Variants in BRINP3 observed in about 807,000 individuals in gnomAD.
BRINP3 encodes the protein BMP/retinoic acid inducible neural specific 3.
BRINP3 carries 19 observed loss-of-function variants against 71.0 expected under a neutral mutation model. The observed-to-expected ratio is 0.27, with a 90% CI of 0.19 to 0.39. The LOEUF (loss-of-function observed/expected upper bound fraction) is 0.39. Ranked by LOEUF, BRINP3 falls within the 10% of genes least tolerant of loss-of-function variation. The probability of loss-of-function intolerance (pLI) is 1.00; values close to 1 mark genes in which losing one functional copy is unlikely to be tolerated. For synonymous variants in BRINP3, 380 were observed against 337.7 expected (o/e 1.13, Z -1.37); for missense variants, 959 against 940.8 (o/e 1.02, Z -0.25).
At chr1:190,348,261 T>G (rs1385228802) in intron 2 of BRINP3, among the ~76,000 whole-genome samples, 1 of 152,144 alleles carries the variant, frequency 6.6e-6, no homozygotes, top group Admixed American at 6.6e-5. Flanking sequence ...GCCTTAGTCC[T>G]TTTTGGCCTG....
chr1:190,194,277 C>G lies in BRINP3; in HGVS notation c.961+31805G>C, dbSNP rs559065212. ...GCTGGAAGAAGCAAGAAAGTATTCT[C>G]CTGTAGAACAAAGTGACAGTGCTCC... On this transcript the variant is annotated intron_variant, in intron 6 of 7. Transcript: ENST00000367462. Among the ~76,000 whole-genome samples, 21 of 152,150 alleles carry G rather than the reference C, an allele frequency of 1.4e-4. 1 individual carries two copies. In the South Asian group the frequency reaches 4.4e-3, roughly 32 times the overall value.
intron 6 of BRINP3, among the ~76,000 whole-genome samples, chr1:190,210,307 A>G (rs1176752995): frequency 6.6e-6 from 1 of 152,088 alleles, no homozygotes; most frequent in Non-Finnish European, 1.5e-5. Flanking sequence ...TTATTTATTG[A>G]TATCTCTTCA....
chr1:190,451,469 G>T (rs1015608547), intron 2 of BRINP3, among the ~76,000 whole-genome samples: 1 of 152,126 alleles, frequency 6.6e-6, no homozygotes, highest in Non-Finnish European at 1.5e-5. Flanking sequence ...CAAACACAAG[G>T]CTCCAGCTTA....
At chr1:190,237,577 G>A (rs146907823) in intron 4 of BRINP3, among the ~76,000 whole-genome samples, 1 of 151,836 alleles carries the variant, frequency 6.6e-6, no homozygotes, top group Admixed American at 6.6e-5. Context: ...AGGAGCAATT[G>A]CCATTTTTTC....
intron 2 of BRINP3, among the ~76,000 whole-genome samples, chr1:190,439,646 C>T (rs868203665): frequency 6.8e-4 from 103 of 151,680 alleles, no homozygotes; most frequent in African/African-American, 2.3e-3. Flanking sequence ...AGACAGATAA[C>T]CTAAAGCCTA....
chr1:190,344,164 G>C (rs572207879), intron 2 of BRINP3, among the ~76,000 whole-genome samples: 3 of 151,640 alleles, frequency 2.0e-5, no homozygotes, highest in Admixed American at 2.0e-4. Flanking sequence ...TAAAAAATAA[G>C]GCTGTTTGTT....
intron 7 of BRINP3, among the ~76,000 whole-genome samples, chr1:190,107,206 T>C (rs1652249375): frequency 6.6e-6 from 1 of 151,992 alleles, no homozygotes; most frequent in African/African-American, 2.4e-5. Flanking sequence ...ATAAATTATT[T>C]TGAAGCCTTT....
chr1:190,353,068 T>G (rs184387728), intron 2 of BRINP3, among the ~76,000 whole-genome samples: 41 of 152,078 alleles, frequency 2.7e-4, no homozygotes, highest in Middle Eastern at 6.8e-3. Flanking sequence ...AAAATCTTCA[T>G]TTATTAAGCA....
chr1:190,462,635 C>T (rs1676471175), intron 1 of BRINP3, among the ~76,000 whole-genome samples: 1 of 151,934 alleles, frequency 6.6e-6, no homozygotes, highest in Non-Finnish European at 1.5e-5. Flanking sequence ...AAATTAACAC[C>T]TTTTTAATCT....
At chr1:190,233,104 C>A (rs565000097) in intron 5 of BRINP3, among the ~76,000 whole-genome samples, 1 of 151,942 alleles carries the variant, frequency 6.6e-6, no homozygotes, top group East Asian at 1.9e-4. Context: ...TTACATTTTT[C>A]TTTTAATTAA....
At chr1:190,217,933 T>C (rs1198654621) in intron 6 of BRINP3, among the ~76,000 whole-genome samples, 2 of 152,060 alleles carry the variant, frequency 1.3e-5, no homozygotes, top group Non-Finnish European at 2.9e-5. Context: ...ATTTACCAAT[T>C]TGCTACTAAT....
chr1:190,463,251 T>C (rs1022541710), intron 1 of BRINP3, among the ~76,000 whole-genome samples: 2 of 151,766 alleles, frequency 1.3e-5, no homozygotes, highest in Admixed American at 6.6e-5. Context: ...GGAGACATAA[T>C]AAAATTTCAG....
chr1:190,243,073 G>A (rs1659262492), intron 4 of BRINP3, among the ~76,000 whole-genome samples: 1 of 152,086 alleles, frequency 6.6e-6, no homozygotes, highest in African/African-American at 2.4e-5. Flanking sequence ...TAGTGAGAGA[G>A]ACTATGCTAA....
chr1:190,226,391 T>C (rs1292613896), intron 5 of BRINP3, 73 bp from the exon 6 acceptor site: 11 of 824,908 alleles, frequency 1.3e-5, no homozygotes, highest in Non-Finnish European at 2.0e-5. Flanking sequence ...TTTATAATAT[T>C]CAATCAAAAC....
intron 2 of BRINP3, among the ~76,000 whole-genome samples, chr1:190,323,740 G>A (rs940916719): frequency 6.6e-6 from 1 of 151,890 alleles, no homozygotes; most frequent in African/African-American, 2.4e-5. Context: ...ATGATCATGA[G>A]ATAGGTGCAC....
intron 2 of BRINP3, among the ~76,000 whole-genome samples, chr1:190,411,920 T>C (rs1672692906): frequency 6.6e-6 from 1 of 151,528 alleles, no homozygotes; most frequent in African/African-American, 2.4e-5. Context: ...ATATGAGGAG[T>C]GGAGCTAGGA....
intron 2 of BRINP3, among the ~76,000 whole-genome samples, chr1:190,341,475 G>A (rs759741998): frequency 3.3e-5 from 5 of 151,558 alleles, no homozygotes; most frequent in South Asian, 2.1e-4. Flanking sequence ...ACTTCAAAAC[G>A]CAATTTTATT....
chr1:190,226,098 A>C lies in BRINP3; in HGVS notation c.945T>G (p.Ser315Arg). ...ATGTCTTACCTGATTCCTCAAAGTC[A>C]CTGTTGTAAGCTTTCCAGGTTTCAG... ...RITETWKAYN[S>R]DFEESDEFKL... is the part of the protein sequence containing the mutation. The change falls in exon 6 of 8, where the codon AGT (serine) becomes AGG (arginine). Residue 315 changes from serine to arginine, a missense_variant. Coordinates refer to ENST00000367462, the MANE Select transcript of BRINP3 (RefSeq NM_199051.3). 1 of 1,589,040 alleles carries C rather than the reference A, an allele frequency of 6.3e-7. No homozygotes were observed. The highest frequency in any genetic ancestry group is 1.8e-5 in the Admixed American group (1 of 57,068).
intron 7 of BRINP3, among the ~76,000 whole-genome samples, chr1:190,119,068 T>C (rs952236030): frequency 2.0e-5 from 3 of 152,128 alleles, no homozygotes; most frequent in Non-Finnish European, 2.9e-5. Context: ...AAGCAAAGGA[T>C]AATTGCTATT....
Sources: allele counts gnomAD v4.1 joint callset (sites outside exome capture counted in the v4.1 genomes callset), GRCh38; gene constraint gnomAD v4.1.1; transcripts MANE v1.5; gene names NCBI Gene and HGNC (gene_info 2026-07-23, HGNC 2026-07-21).